RECK: variants seen among roughly 807,000 people sequenced by gnomAD.
RECK encodes the protein reversion-inducing cysteine-rich protein with Kazal motifs.
A neutral mutation model predicts 115.1 loss-of-function variants in RECK; 69 were observed. The ratio of observed to expected loss-of-function variants is 0.60; its 90% CI spans 0.49 to 0.73. RECK has a LOEUF of 0.73. Among genes scored for constraint, RECK ranks in the 30% least tolerant of loss-of-function variants. The probability of loss-of-function intolerance (pLI) is 0.00; values close to 1 mark genes in which losing one functional copy is unlikely to be tolerated. For missense variants in RECK, 1,047 were observed against 1,203.7 expected (o/e 0.87, Z 1.93); for synonymous variants, 414 against 419.7 (o/e 0.99, Z 0.17).
At position 36,052,282 on chromosome 9, in the gene RECK, C is replaced by A; in HGVS notation, c.118C>A (p.His40Asn). The change falls in exon 2 of 21, where the codon CAT becomes AAT. Residue 40 changes from histidine (H) to asparagine (N), a missense_variant. His to Asn is a moderately conservative substitution (Grantham distance 68). Transcript: ENST00000377966. Reference sequence around the variant, plus strand: ...CTCCCTAGGTGCATTGTGTTGTAATCATTCAAAGGATAACCAAATGTGCCG... The same window carrying A: ...CTCCCTAGGTGCATTGTGTTGTAATAATTCAAAGGATAACCAAATGTGCCG... ...PGSAGALCCN[H>N]SKDNQMCRDV... 1 of 1,608,410 alleles carries A rather than the reference C, an allele frequency of 6.2e-7. No individual in the cohort carries two copies. Among genetic ancestry groups the A allele is most frequent in the South Asian group, 1.1e-5 (1 of 90,908 alleles).
chr9:36,113,075 C>T (rs1022266637), intron 16 of RECK, among the ~76,000 whole-genome samples: 5 of 152,154 alleles, frequency 3.3e-5, no homozygotes, highest in Non-Finnish European at 5.9e-5. Context: ...TTTGAAATTA[C>T]TTGTTTTGAG....
Position 36,037,074 on chromosome 9 carries a change from G to A in RECK, c.76G>A (p.Gly26Arg). ...CGTGGCGGGGGTCGCGGAGGTGGCAGGGGGCCTGGCTCCGGGCAGTGCGGG... is the reference window on the plus strand; with the variant it reads ...CGTGGCGGGGGTCGCGGAGGTGGCAAGGGGCCTGGCTCCGGGCAGTGCGGG... ...LAVAGVAEVA[G>R]GLAPGSAGAL... Residue 26 changes from glycine to arginine, a missense_variant, in exon 1 of 21, where the codon GGG (glycine) becomes AGG (arginine). By Grantham distance (125) the Gly-to-Arg change is moderately radical (BLOSUM62 -2). Coordinates refer to ENST00000377966, the MANE Select transcript of RECK (RefSeq NM_021111.3). 1 of 1,382,224 alleles carries A rather than the reference G, an allele frequency of 7.2e-7. No individual in the cohort carries two copies. The allele number at this position is 1,382,224 out of a possible 1,614,324, so 85.6% of individuals were successfully genotyped here.
rs767738316 is a variant in RECK at position 36,100,370 on chromosome 9, T to C, written c.1125T>C (p.Asp375=). ...ELFRSCNAQS[D]QGAMNDMKLW... ...TCAGGAGTTGTAATGCACAGTCAGATCAAGGAGCCATGAATGACATGAAGT... is the reference window on the plus strand; with the variant it reads ...TCAGGAGTTGTAATGCACAGTCAGACCAAGGAGCCATGAATGACATGAAGT... Residue 375 remains aspartate, a synonymous_variant, in exon 11 of 21, where the codon GAT becomes GAC. Coordinates refer to ENST00000377966, the MANE Select transcript of RECK (RefSeq NM_021111.3). 7 of 1,614,134 alleles carry C rather than the reference T, an allele frequency of 4.3e-6. No homozygotes were observed. The highest frequency in any genetic ancestry group is 2.5e-6 in the Non-Finnish European group (3 of 1,179,982).
At chr9:36,056,242 TA>T (rs148338877) in intron 2 of RECK, among the ~76,000 whole-genome samples, 46,262 of 150,454 alleles carry the variant, frequency 0.31, 8,401 homozygotes, top group Middle Eastern at 0.47. Context: ...ATATGTCATT[TA>T]AAAAAAAAAT....
chr9:36,100,842 T>C (rs1205832715), intron 11 of RECK, among the ~76,000 whole-genome samples: 1 of 152,250 alleles, frequency 6.6e-6, no homozygotes, highest in Non-Finnish European at 1.5e-5. Flanking sequence ...TGTACTTCTC[T>C]TATGGAACTT....
intron 8 of RECK, among the ~76,000 whole-genome samples, chr9:36,084,680 C>A (rs1224526381): frequency 2.0e-5 from 3 of 148,122 alleles, no homozygotes; most frequent in Non-Finnish European, 4.5e-5. Flanking sequence ...GGGCAACAGA[C>A]CAGACATCGT....
intron 2 of RECK, among the ~76,000 whole-genome samples, chr9:36,053,378 A>G (rs1046835602): frequency 3.9e-5 from 6 of 152,176 alleles, no homozygotes; most frequent in Non-Finnish European, 8.8e-5. Context: ...TATTTTTAAA[A>G]CTGAGAGAAC....
intron 8 of RECK, among the ~76,000 whole-genome samples, chr9:36,087,007 A>G (rs1822990600): frequency 1.3e-5 from 2 of 152,316 alleles, no homozygotes; most frequent in South Asian, 4.1e-4. Flanking sequence ...GAATTCTGGT[A>G]ATAGATACCT....
chr9:36,064,001 T>A, intron 5 of RECK, 121 bp downstream of exon 5: 1 of 837,700 alleles, frequency 1.2e-6, no homozygotes, highest in Non-Finnish European at 1.9e-6. Context: ...AACTGCAAAT[T>A]TAGCATTTTT....
chr9:36,038,003 A>AG (rs1491103317), intron 1 of RECK, among the ~76,000 whole-genome samples: 1 of 32,060 alleles, frequency 3.1e-5, no homozygotes, highest in Non-Finnish European at 6.4e-5. Context: ...GAGACACCTT[A>AG]AAAAAAAAAA....
chr9:36,115,176 G>A (rs1039230589), intron 16 of RECK, among the ~76,000 whole-genome samples: 5 of 151,900 alleles, frequency 3.3e-5, no homozygotes, highest in African/African-American at 7.3e-5. Context: ...TTAGCTGGGC[G>A]TGGTGGCACA....
At chr9:36,083,095 T>C (rs1429745367) in intron 7 of RECK, among the ~76,000 whole-genome samples, 1 of 152,174 alleles carries the variant, frequency 6.6e-6, no homozygotes, top group Non-Finnish European at 1.5e-5. Flanking sequence ...CCAGTCGTAG[T>C]CCAACTCCTT....
At position 36,087,722 on chromosome 9, in the gene RECK, C is replaced by G; in HGVS notation, c.666C>G (p.Asp222Glu). 1 of 1,613,926 alleles carries G rather than the reference C, an allele frequency of 6.2e-7. No homozygotes were observed. Among genetic ancestry groups the G allele is most frequent in the Non-Finnish European group, 8.5e-7 (1 of 1,179,880 alleles). ...TATATTGCTGTGACAGAGCTGAAGACCATGCTTGCCAAAATGCCTGCAAGA... is the reference window on the plus strand; with the variant it reads ...TATATTGCTGTGACAGAGCTGAAGAGCATGCTTGCCAAAATGCCTGCAAGA... ...DSLYCCDRAE[D>E]HACQNACKRI... Residue 222 changes from aspartate to glutamate, a missense_variant, in exon 9 of 21, where the codon GAC becomes GAG. Transcript: ENST00000377966.
rs375477269 is a variant in RECK, at chr9:36,108,146, G to T, written c.1747G>T (p.Val583Phe). The T allele has an allele frequency of 6.3e-7, 1 of 1,584,216 alleles. No homozygotes were observed. Among genetic ancestry groups the T allele is most frequent in the Admixed American group, 2.0e-5 (1 of 50,396 alleles). Residue 583 changes from valine to phenylalanine, a missense_variant, in exon 14 of 21, where the codon GTT (valine) becomes TTT (phenylalanine). Physicochemically the swap from Val to Phe is conservative, Grantham distance 50. Transcript: ENST00000377966. ...TATAGACCTCCAGAAGTCTTGTATT[G>T]TTGGAGGAAAAAGAAAAAGTGAGTC... Reference protein sequence around the residue: ...HCIDLQKSCIVGGKRKSHGTS... With the variant: ...HCIDLQKSCIFGGKRKSHGTS...
chr9:36,100,589 C>A (rs755592835), intron 11 of RECK, 46 bp downstream of exon 11: 7 of 1,403,222 alleles, frequency 5.0e-6, no homozygotes, highest in South Asian at 2.4e-5. Flanking sequence ...AGTTCAGACC[C>A]TCCGTGATCT....
chr9:36,073,221 G>GACACACACACAC (rs1320843934), intron 6 of RECK, among the ~76,000 whole-genome samples: 38 of 134,246 alleles, frequency 2.8e-4, no homozygotes, highest in East Asian at 1.2e-3. Flanking sequence ...GCAACACACA[G>GACACACACACAC]ACACACACAG....
At chr9:36,122,438 T>C (rs1411217748) in intron 20 of RECK, among the ~76,000 whole-genome samples, 2 of 152,206 alleles carry the variant, frequency 1.3e-5, no homozygotes, top group African/African-American at 2.4e-5. Context: ...AGTGGCATTG[T>C]GGATTATTTC....
chr9:36,099,409 C>T (rs554956720), intron 10 of RECK, among the ~76,000 whole-genome samples: 1 of 152,256 alleles, frequency 6.6e-6, no homozygotes, highest in African/African-American at 2.4e-5. Flanking sequence ...CTATCCTTCT[C>T]GCTAATGTTT....
chr9:36,069,710 T>G (rs1822153703), intron 6 of RECK, among the ~76,000 whole-genome samples: 1 of 151,642 alleles, frequency 6.6e-6, no homozygotes, highest in South Asian at 2.1e-4. Flanking sequence ...AGTGAGAAAA[T>G]CCTCTCTAAC....
Sources: gnomAD v4.1 joint callset for allele counts (sites outside exome capture counted in the v4.1 genomes callset) on GRCh38, gnomAD v4.1.1 for gene constraint, MANE v1.5 for transcripts, NCBI Gene and HGNC (gene_info 2026-07-23, HGNC 2026-07-21) for gene names.